The following SATB1 variants were observed in gnomAD, a reference collection of about 807,000 sequenced individuals.
SATB1 encodes SATB homeobox 1.
In SATB1, 11 loss-of-function variants were observed where a neutral mutation model predicts 86.9. The ratio of observed to expected loss-of-function variants is 0.13; its 90% CI spans 0.08 to 0.21. The LOEUF (loss-of-function observed/expected upper bound fraction) is 0.21, where lower values mean the gene tolerates loss of function less well. Ranked by LOEUF, SATB1 falls within the 10% of genes least tolerant of loss-of-function variation. SATB1 has a pLI of 1.00. For synonymous variants in SATB1, 357 were observed against 357.2 expected, an observed-to-expected ratio of 1.00 and a Z score of 0.01; for missense variants, 551 against 937.6, an observed-to-expected ratio of 0.59 and a Z score of 5.39.
chr3:18,445,581 T>A (rs1203918952), exon 1 of SATB1: 5 of 968,646 alleles, frequency 5.2e-6, no homozygotes, highest in Non-Finnish European at 6.1e-6. Context: ...TCTTGTTGCT[T>A]GTTGTTTGGC....
chr3:18,387,175 T>C (rs1387120736), intron 7 of SATB1, among the ~76,000 whole-genome samples: 1 of 152,240 alleles, frequency 6.6e-6, no homozygotes, highest in Admixed American at 6.5e-5. Flanking sequence ...TCAAAGTACA[T>C]GACACTACGT....
chr3:18,426,530 C>G (rs1575179588), upstream of SATB1, among the ~76,000 whole-genome samples: 2 of 152,168 alleles, frequency 1.3e-5, no homozygotes, highest in East Asian at 3.9e-4. The surrounding 1 kb of genome is among the most constrained non-coding windows in gnomAD (Gnocchi z 4.2). Context: ...TAAGTATGAT[C>G]CTATTATTTA....
In SATB1 at chr3:18,444,145, C is replaced by T. The variant is rs1699316848; in HGVS notation, c.-25+1373G>A. 6.6e-6 allele frequency among the ~76,000 whole-genome samples: 1 copy of T among 152,130 alleles called. No individual in the cohort carries two copies. Among genetic ancestry groups the T allele is most frequent in the South Asian group, 2.1e-4 (1 of 4,820 alleles). Reference sequence around the variant, plus strand: ...ATCCGGTGGGGGAACATTACCACTCCCGCAGCCCACTCCTCCAGGCACCTT... The same window carrying T: ...ATCCGGTGGGGGAACATTACCACTCTCGCAGCCCACTCCTCCAGGCACCTT... On this transcript the variant is annotated intron_variant, in intron 1 of 3. Coordinates refer to the SATB1 transcript ENST00000415069. The surrounding 1 kb of genome is among the most constrained non-coding windows in gnomAD (Gnocchi z 5.1).
chr3:18,433,777 G>A (rs960546830), intron 2 of SATB1, among the ~76,000 whole-genome samples: 2 of 152,018 alleles, frequency 1.3e-5, no homozygotes, highest in African/African-American at 2.4e-5. Flanking sequence ...TACCTATCTT[G>A]TAGGTGCCTT....
At chr3:18,358,531 G>A (rs1489903496) in intron 9 of SATB1, among the ~76,000 whole-genome samples, 1 of 151,826 alleles carries the variant, frequency 6.6e-6, no homozygotes. Context: ...AGTTAACATT[G>A]GTCTTATTAA....
At chr3:18,411,018 T>C (rs767751711) in intron 5 of SATB1, 1 of 394,988 alleles carries the variant, frequency 2.5e-6, no homozygotes, top group African/African-American at 2.1e-5. Flanking sequence ...TTTCCATTAA[T>C]AAATAAATTG....
At chr3:18,400,188 G>C (rs2125127237) in intron 5 of SATB1, among the ~76,000 whole-genome samples, 1 of 152,300 alleles carries the variant, frequency 6.6e-6, no homozygotes, top group East Asian at 1.9e-4. Flanking sequence ...AGTAGGCCAA[G>C]TTCCATGTTA....
At chr3:18,400,108 T>C (rs1025191213) in intron 5 of SATB1, among the ~76,000 whole-genome samples, 3 of 152,064 alleles carry the variant, frequency 2.0e-5, no homozygotes, top group African/African-American at 7.2e-5. Context: ...AAAAAACACG[T>C]AATGTTTTGA....
At chr3:18,382,102 T>C (rs1035859556) in intron 8 of SATB1, among the ~76,000 whole-genome samples, 3 of 152,176 alleles carry the variant, frequency 2.0e-5, no homozygotes, top group Non-Finnish European at 2.9e-5. Context: ...GATGAACCTA[T>C]GTTTCATTAT....
At chr3:18,417,604 C>G (rs1698183005) in intron 2 of SATB1, 3 of 673,906 alleles carry the variant, frequency 4.5e-6, no homozygotes, top group Non-Finnish European at 8.0e-6. Flanking sequence ...TAACTGGTTC[C>G]ACAAATCATT....
intron 5 of SATB1, among the ~76,000 whole-genome samples, chr3:18,413,097 A>G (rs1697943202): frequency 6.6e-6 from 1 of 152,064 alleles, no homozygotes; most frequent in Non-Finnish European, 1.5e-5. Context: ...GTATCCAGCC[A>G]CAGGAAGCCA....
upstream of SATB1, among the ~76,000 whole-genome samples, chr3:18,426,594 C>CA (rs1256549711): frequency 6.6e-6 from 1 of 151,996 alleles, no homozygotes; most frequent in Admixed American, 6.5e-5. This position sits in a 1 kb window ranked among gnomAD's most constrained non-coding sequence, Gnocchi z 4.2. Context: ...CAATGTAACC[C>CA]AAAATAGAAA....
upstream of SATB1, among the ~76,000 whole-genome samples, chr3:18,426,762 G>A (rs987894107): frequency 3.3e-5 from 5 of 152,158 alleles, no homozygotes; most frequent in Admixed American, 1.3e-4. This position sits in a 1 kb window ranked among gnomAD's most constrained non-coding sequence, Gnocchi z 4.2. Context: ...AAAGCAACAA[G>A]TTAGCACAAG....
chr3:18,409,002 A>C (rs1440832324), intron 5 of SATB1: 2 of 151,950 alleles, frequency 1.3e-5, no homozygotes, highest in African/African-American at 4.8e-5. Flanking sequence ...AAAGAGGAAA[A>C]ATACTCTCAT....
At chr3:18,410,366 C>T (rs1359996) in intron 5 of SATB1, among the ~76,000 whole-genome samples, 50,066 of 151,846 alleles carry the variant, frequency 0.33, 9,173 homozygotes, top group Admixed American at 0.46. Context: ...GATGAAAAGG[C>T]TACTTGGTGA....
At chr3:18,400,351 A>G (rs965193666) in intron 5 of SATB1, among the ~76,000 whole-genome samples, 1 of 152,190 alleles carries the variant, frequency 6.6e-6, no homozygotes, top group Non-Finnish European at 1.5e-5. Context: ...TCATCTGACA[A>G]AACAGAATAG....
intron 9 of SATB1, among the ~76,000 whole-genome samples, chr3:18,353,604 A>C (rs1221061931): frequency 6.6e-6 from 1 of 152,096 alleles, no homozygotes; most frequent in Non-Finnish European, 1.5e-5. Flanking sequence ...TGTTACCAGG[A>C]GTGAGGCCAG....
intron 7 of SATB1, among the ~76,000 whole-genome samples, chr3:18,393,465 T>C (rs1005718690): frequency 1.3e-5 from 2 of 152,184 alleles, no homozygotes; most frequent in Non-Finnish European, 2.9e-5. Context: ...CAGAGTCAAT[T>C]TGTTTAGGGC....
At position 18,444,945 on chromosome 3, in the gene SATB1, C is replaced by T. The variant is rs934789036; in HGVS notation, c.-25+573G>A. ...AAGGGGGAGGGGGCGGCGGCGGGGG[C>T]GGGAGGGGGAAGGGGCCGGCGGGAG... is the stretch of plus-strand genomic sequence containing the variant. On this transcript the variant is annotated intron_variant, in intron 1 of 3. Coordinates refer to the SATB1 transcript ENST00000415069. This position sits in a 1 kb window ranked among gnomAD's most constrained non-coding sequence, Gnocchi z 5.1. 1 of 45,372 alleles carries T rather than the reference C, an allele frequency of 2.2e-5. No individual in the cohort carries two copies. The highest frequency in any genetic ancestry group is 5.7e-4 in the East Asian group (1 of 1,740). 2.8% of individuals were successfully genotyped at this position (45,372 alleles called of 1,614,324 possible). A position where few individuals can be genotyped will look rare whatever the true frequency, so the allele number is the denominator to read the frequency against.
Sources: allele counts gnomAD v4.1 joint callset (sites outside exome capture counted in the v4.1 genomes callset), GRCh38; gene constraint gnomAD v4.1.1; non-coding constraint Gnocchi (gnomAD v3.1); transcripts MANE v1.5; gene names NCBI Gene and HGNC (gene_info 2026-07-23, HGNC 2026-07-21).